Variants in TRPC7 observed in about 807,000 individuals in gnomAD.
TRPC7 encodes short transient receptor potential channel 7.
Under a neutral mutation model 90.1 loss-of-function variants are expected in TRPC7, and 42 were observed. That is an observed-to-expected ratio of 0.47 (90% CI 0.36 to 0.60). The LOEUF is 0.60. Among genes scored for constraint, TRPC7 ranks in the 20% least tolerant of loss-of-function variants. TRPC7 has a pLI of 0.00. For synonymous variants in TRPC7, 451 were observed against 436.3 expected (o/e 1.03, Z -0.42); for missense variants, 955 against 1,112.3 (o/e 0.86, Z 2.01).
At chr5:136,253,586 A>AT in intron 5 of TRPC7, among the ~76,000 whole-genome samples, 1 of 152,224 alleles carries the variant, frequency 6.6e-6, no homozygotes, top group East Asian at 1.9e-4. Context: ...ATTGTAACTG[A>AT]TTGGGGGTAT....
At chr5:136,239,855 A>G (rs1756102171) in intron 7 of TRPC7, among the ~76,000 whole-genome samples, 2 of 152,140 alleles carry the variant, frequency 1.3e-5, no homozygotes, top group South Asian at 4.1e-4. Context: ...TTTGATTAAC[A>G]TCTATCTTCT....
intron 1 of TRPC7, among the ~76,000 whole-genome samples, chr5:136,360,756 G>A (rs1432254752): frequency 1.3e-5 from 2 of 152,168 alleles, no homozygotes; most frequent in Non-Finnish European, 2.9e-5. Flanking sequence ...GCTACTCAGT[G>A]AAATTGCTTC....
intron 2 of TRPC7, among the ~76,000 whole-genome samples, chr5:136,323,340 A>G (rs1333937949): frequency 6.6e-6 from 1 of 152,188 alleles, no homozygotes; most frequent in South Asian, 2.1e-4. Context: ...AAAACAGACT[A>G]CTACAAAGTC....
intron 3 of TRPC7, among the ~76,000 whole-genome samples, chr5:136,296,183 T>C (rs1438936420): frequency 6.6e-6 from 1 of 152,212 alleles, no homozygotes; most frequent in Non-Finnish European, 1.5e-5. Context: ...AATACTCATC[T>C]GCTTAGTAAC....
chr5:136,260,937 T>A (rs1180741669), intron 5 of TRPC7, among the ~76,000 whole-genome samples: 2 of 152,178 alleles, frequency 1.3e-5, no homozygotes, highest in African/African-American at 4.8e-5. Flanking sequence ...TTATAATCAG[T>A]CTGTTCAAAG....
At position 136,213,699 on chromosome 5, in the gene TRPC7, TGTCGGGTCCTG is replaced by T. The variant is rs1246995737; in HGVS notation, c.2420-106_2420-96del. The T allele has an allele frequency of 4.7e-5, 66 of 1,407,796 alleles. No individual in the cohort carries two copies. In the East Asian group the frequency reaches 1.4e-3, roughly 31 times the overall value. 87.2% of individuals were successfully genotyped at this position (1,407,796 alleles called of 1,614,324 possible). ...GGGCATGTGCATCCTTCCAGTGGAA[TGTCGGGTCCTG>T]GGCCAGCCCACCAGGGTTGAAGGTG... On this transcript the variant is annotated intron_variant, in intron 11 of 11. Transcript: ENST00000513104.
At chr5:136,286,295 G>T (rs965635418) in intron 3 of TRPC7, among the ~76,000 whole-genome samples, 2 of 152,092 alleles carry the variant, frequency 1.3e-5, no homozygotes, top group African/African-American at 4.8e-5. Flanking sequence ...TCCATCAAAT[G>T]GTGGGTCTAA....
chr5:136,350,724 G>A (rs899891014), intron 2 of TRPC7, among the ~76,000 whole-genome samples: 1 of 152,204 alleles, frequency 6.6e-6, no homozygotes, highest in African/African-American at 2.4e-5. Flanking sequence ...GTGGCCCTGA[G>A]GAAAGGCATG....
At chr5:136,353,024 C>T (rs1561730787) in intron 2 of TRPC7, among the ~76,000 whole-genome samples, 1 of 152,138 alleles carries the variant, frequency 6.6e-6, no homozygotes, top group Non-Finnish European at 1.5e-5. Flanking sequence ...TCAAGTATTT[C>T]CGGAATGCTC....
At chr5:136,323,393 A>G (rs1462378639) in intron 2 of TRPC7, among the ~76,000 whole-genome samples, 1 of 152,220 alleles carries the variant, frequency 6.6e-6, no homozygotes, top group Non-Finnish European at 1.5e-5. Flanking sequence ...TTATGTTACA[A>G]TTAAGAAATC....
At chr5:136,253,929 G>A (rs887849506) in intron 5 of TRPC7, among the ~76,000 whole-genome samples, 1 of 152,196 alleles carries the variant, frequency 6.6e-6, no homozygotes, top group African/African-American at 2.4e-5. Flanking sequence ...ACAAGTTACT[G>A]AAGGAAATTA....
At chr5:136,222,836 G>A (rs534022277) in intron 10 of TRPC7, among the ~76,000 whole-genome samples, 1 of 152,148 alleles carries the variant, frequency 6.6e-6, no homozygotes, top group Non-Finnish European at 1.5e-5. Context: ...TGTGGCCTTG[G>A]CCACTGAGCC....
At chr5:136,284,748 T>G (rs1757656537) in intron 3 of TRPC7, among the ~76,000 whole-genome samples, 1 of 152,072 alleles carries the variant, frequency 6.6e-6, no homozygotes, top group Non-Finnish European at 1.5e-5. Context: ...AATGCCTTGT[T>G]GAGGGAAGGA....
chr5:136,286,720 A>G (rs1757731104), intron 3 of TRPC7, among the ~76,000 whole-genome samples: 1 of 152,240 alleles, frequency 6.6e-6, no homozygotes. Context: ...GCACCAAAAG[A>G]TAAGTCGAAC....
chr5:136,266,581 T>C (rs561493758), intron 4 of TRPC7, 145 bp from the exon 5 acceptor site: 34 of 731,042 alleles, frequency 4.7e-5, no homozygotes, highest in East Asian at 3.8e-4. Context: ...CAACATTTTT[T>C]CTTGAACTAT....
chr5:136,286,824 C>T (rs1474400945), intron 3 of TRPC7, among the ~76,000 whole-genome samples: 11 of 152,210 alleles, frequency 7.2e-5, no homozygotes, highest in Admixed American at 4.6e-4. Flanking sequence ...TTCATCTCCT[C>T]TCTGCCTTGA....
chr5:136,302,951 C>T (rs894655785), intron 3 of TRPC7, among the ~76,000 whole-genome samples: 2 of 151,998 alleles, frequency 1.3e-5, no homozygotes, highest in African/African-American at 4.8e-5. Context: ...TTCTACAGAC[C>T]TATCTGACCT....
At chr5:136,312,969 A>G (rs1471145067) in intron 3 of TRPC7, among the ~76,000 whole-genome samples, 1 of 99,944 alleles carries the variant, frequency 1.0e-5, no homozygotes, top group East Asian at 3.1e-4. Flanking sequence ...TAGAGTAGTG[A>G]TTCTTTTTTT....
intron 10 of TRPC7, 128 bp from the exon 11 acceptor site, chr5:136,216,403 G>T (rs764228610): frequency 2.7e-6 from 2 of 727,430 alleles, no homozygotes; most frequent in African/African-American, 3.5e-5. Context: ...CATGCCTGGC[G>T]CCTCACTCTG....
Sources: allele counts gnomAD v4.1 joint callset (sites outside exome capture counted in the v4.1 genomes callset), GRCh38; gene constraint gnomAD v4.1.1; transcripts MANE v1.5; gene names NCBI Gene and HGNC (gene_info 2026-07-23, HGNC 2026-07-21).